ZFHX3: variants seen among roughly 807,000 people sequenced by gnomAD.
ZFHX3 encodes zinc finger homeobox protein 3.
A neutral mutation model predicts 279.1 loss-of-function variants in ZFHX3; 42 were observed. That is an observed-to-expected ratio of 0.15 (90% CI 0.12 to 0.19). The LOEUF is 0.19. Ranked by LOEUF, ZFHX3 falls within the 10% of genes least tolerant of loss-of-function variation. The probability of loss-of-function intolerance (pLI) is 1.00; values close to 1 mark genes in which losing one functional copy is unlikely to be tolerated. For synonymous variants in ZFHX3, 2,293 were observed against 1,957.8 expected (o/e 1.17, Z -4.52); for missense variants, 4,981 against 4,754.0 (o/e 1.05, Z -1.40).
chr16:73,716,640 C>G (rs2142232999), intron 1 of ZFHX3, among the ~76,000 whole-genome samples: 1 of 129,424 alleles, frequency 7.7e-6, no homozygotes. Flanking sequence ...CACACACACA[C>G]ACACACACAC....
At chr16:73,258,973 T>A (rs1158033775) in intron 4 of ZFHX3, among the ~76,000 whole-genome samples, 1 of 152,224 alleles carries the variant, frequency 6.6e-6, no homozygotes, top group Non-Finnish European at 1.5e-5. Context: ...AAGTACAAAT[T>A]CTTGTGCAAT....
chr16:73,562,406 T>C (rs554087010), intron 2 of ZFHX3, among the ~76,000 whole-genome samples: 3 of 152,108 alleles, frequency 2.0e-5, no homozygotes, highest in East Asian at 1.9e-4. Context: ...CCATCCTGGC[T>C]AACACGGTGA....
exon 1 of ZFHX3, chr16:73,059,194 G>C (rs1265744822): frequency 1.4e-5 from 2 of 141,802 alleles, no homozygotes; most frequent in Non-Finnish European, 1.5e-5. Context: ...GAGGTGGAGG[G>C]AGGCAGAGGG....
chr16:73,846,500 A>C (rs796993974), intron 1 of ZFHX3, among the ~76,000 whole-genome samples: 64 of 152,274 alleles, frequency 4.2e-4, no homozygotes, highest in African/African-American at 1.4e-3. Context: ...CCTCGAGGCC[A>C]ATCTTGGCTG....
intron 3 of ZFHX3, among the ~76,000 whole-genome samples, chr16:73,446,671 G>A (rs1432029515): frequency 6.6e-6 from 1 of 152,078 alleles, no homozygotes; most frequent in Non-Finnish European, 1.5e-5. Flanking sequence ...CTTATAAGTG[G>A]GAGCTAAATG....
chr16:73,366,414 T>C (rs1405017486), intron 3 of ZFHX3, among the ~76,000 whole-genome samples: 1 of 151,274 alleles, frequency 6.6e-6, no homozygotes, highest in Non-Finnish European at 1.5e-5. Flanking sequence ...GATTCCTAAG[T>C]GGAAAAAAAC....
chr16:73,186,462 G>T (rs530189883), intron 5 of ZFHX3, among the ~76,000 whole-genome samples: 1 of 151,870 alleles, frequency 6.6e-6, no homozygotes, highest in Non-Finnish European at 1.5e-5. Flanking sequence ...GAACTGAGAC[G>T]ACATAAAATA....
chr16:73,077,142 A>G (rs544708630), intron 8 of ZFHX3, among the ~76,000 whole-genome samples: 1 of 152,150 alleles, frequency 6.6e-6, no homozygotes, highest in Non-Finnish European at 1.5e-5. Context: ...CCAATCCCCA[A>G]ATTTTCTGAA....
chr16:73,137,807 A>C (rs1966818173), intron 6 of ZFHX3, among the ~76,000 whole-genome samples: 1 of 152,140 alleles, frequency 6.6e-6, no homozygotes, highest in African/African-American at 2.4e-5. Context: ...AACTTATCTC[A>C]AACAGCAGCT....
intron 1 of ZFHX3, among the ~76,000 whole-genome samples, chr16:73,833,159 T>C (rs1426957746): frequency 6.6e-6 from 1 of 152,132 alleles, no homozygotes; most frequent in Admixed American, 6.5e-5. Flanking sequence ...GGCCAGGAGT[T>C]CTAGACCAGC....
chr16:72,860,542 T>C (rs1311154900), intron 4 of ZFHX3, among the ~76,000 whole-genome samples: 1 of 152,196 alleles, frequency 6.6e-6, no homozygotes, highest in Admixed American at 6.5e-5. Context: ...GTGATTCTCC[T>C]GCCTCAGCCT....
intron 1 of ZFHX3, among the ~76,000 whole-genome samples, chr16:73,736,212 C>T (rs374126111): frequency 2.0e-5 from 3 of 152,252 alleles, no homozygotes; most frequent in South Asian, 2.1e-4. Flanking sequence ...TCTAGTTCAT[C>T]GTCACCCTTG....
chr16:73,161,472 GA>G (rs1279267118), intron 5 of ZFHX3, among the ~76,000 whole-genome samples: 1 of 152,202 alleles, frequency 6.6e-6, no homozygotes, highest in Non-Finnish European at 1.5e-5. Flanking sequence ...GCTATTTGTG[GA>G]AGGGATTATA....
chr16:72,932,158 C>T (rs953222839), intron 3 of ZFHX3, among the ~76,000 whole-genome samples: 1 of 152,134 alleles, frequency 6.6e-6, no homozygotes, highest in Non-Finnish European at 1.5e-5. Context: ...TTCTAACTTG[C>T]ATCTAATTTT....
At chr16:72,839,161 T>C (rs559296020) in intron 4 of ZFHX3, among the ~76,000 whole-genome samples, 89 of 152,222 alleles carry the variant, frequency 5.8e-4, no homozygotes, top group African/African-American at 2.0e-3. Flanking sequence ...TGTGTTGTCA[T>C]TTATGGGAAA....
At chr16:73,026,625 T>A (rs1244408062) in intron 1 of ZFHX3, among the ~76,000 whole-genome samples, 1 of 136,482 alleles carries the variant, frequency 7.3e-6, no homozygotes, top group Non-Finnish European at 1.5e-5. Context: ...GAGCCGAGAT[T>A]GTGCCATGCC....
At position 73,144,084 on chromosome 16, in the gene ZFHX3, T is replaced by C. The variant is rs954192607; in HGVS notation, c.-1103-253A>G. ...CATTCTTGAACTGGGAAAGGCATTT[T>C]TAAAAATGAAACTCAGGGCAGCCAA... On this transcript the variant is annotated intron_variant, in intron 5 of 17. Transcript: ENST00000641206. 3.9e-5 allele frequency among the ~76,000 whole-genome samples: 6 copies of C among 152,154 alleles called. No homozygotes were observed. In the East Asian group the frequency reaches 9.6e-4, roughly 24 times the overall value.
At chr16:73,449,827 G>C (rs887214208) in intron 3 of ZFHX3, among the ~76,000 whole-genome samples, 26 of 151,870 alleles carry the variant, frequency 1.7e-4, no homozygotes, top group Non-Finnish European at 3.1e-4. Context: ...TCTAGAAAAA[G>C]GTTTTCTCCA....
intron 4 of ZFHX3, among the ~76,000 whole-genome samples, chr16:73,291,608 C>T (rs1432137969): frequency 2.6e-5 from 4 of 152,184 alleles, no homozygotes; most frequent in Admixed American, 6.5e-5. Context: ...TCTGTTCTCT[C>T]GCCTCTCCCT....
Sources: allele counts gnomAD v4.1 joint callset (sites outside exome capture counted in the v4.1 genomes callset), GRCh38; gene constraint gnomAD v4.1.1; transcripts MANE v1.5; gene names NCBI Gene and HGNC (gene_info 2026-07-23, HGNC 2026-07-21).